Variants in TM9SF2 observed in about 807,000 individuals in gnomAD.
TM9SF2 encodes the protein transmembrane 9 superfamily member 2.
Under a neutral mutation model 84.9 loss-of-function variants are expected in TM9SF2, and 13 were observed. The ratio of observed to expected loss-of-function variants is 0.15; its 90% CI spans 0.10 to 0.24. TM9SF2 has a LOEUF of 0.24. Ranked by LOEUF, TM9SF2 falls within the 10% of genes least tolerant of loss-of-function variation. The pLI, the probability that TM9SF2 is intolerant of heterozygous loss-of-function variation, is 1.00. For synonymous variants in TM9SF2, 273 were observed against 285.8 expected, an observed-to-expected ratio of 0.96 and a Z score of 0.45; for missense variants, 562 against 818.5, an observed-to-expected ratio of 0.69 and a Z score of 3.82.
chr13:99,534,921 A>T (rs1209819815), intron 4 of TM9SF2, among the ~76,000 whole-genome samples: 2 of 152,160 alleles, frequency 1.3e-5, no homozygotes, highest in Non-Finnish European at 2.9e-5. Context: ...AGACCAGGGT[A>T]GGAGGACCAC....
chr13:99,527,622 C>G (rs568384993), intron 3 of TM9SF2, among the ~76,000 whole-genome samples: 1 of 152,314 alleles, frequency 6.6e-6, no homozygotes, highest in Admixed American at 6.5e-5. Context: ...CAAACCACAT[C>G]AATCCTGATG....
chr13:99,552,123 T>C (rs2046307867), intron 12 of TM9SF2, 44 bp from the exon 13 acceptor site: 2 of 1,582,260 alleles, frequency 1.3e-6, no homozygotes, highest in Admixed American at 1.8e-5. Flanking sequence ...ACTGTTGCAT[T>C]TTGTTATCTC....
intron 1 of TM9SF2, among the ~76,000 whole-genome samples, chr13:99,515,522 G>A (rs2046130095): frequency 6.6e-6 from 1 of 152,166 alleles, no homozygotes; most frequent in Admixed American, 6.5e-5. Flanking sequence ...TGATGCTGTT[G>A]TCGGTATTAC....
chr13:99,510,480 A>G (rs959177542), intron 1 of TM9SF2, among the ~76,000 whole-genome samples: 2 of 152,204 alleles, frequency 1.3e-5, no homozygotes, highest in African/African-American at 4.8e-5. Flanking sequence ...CAGGCTGTAC[A>G]AGCATGCACC....
chr13:99,540,647 ATT>A, intron 7 of TM9SF2, 65 bp from the exon 8 acceptor site: 2 of 1,311,062 alleles, frequency 1.5e-6, no homozygotes, highest in Admixed American at 1.9e-5. Context: ...TTTGAATGGG[ATT>A]TTTTTTTGTT....
intron 16 of TM9SF2, among the ~76,000 whole-genome samples, chr13:99,561,684 A>G (rs746870728): frequency 5.1e-4 from 77 of 151,770 alleles, no homozygotes; most frequent in Non-Finnish European, 9.4e-4. Context: ...TGATTTAGAA[A>G]ATCTCCTTTA....
chr13:99,559,700 A>G (rs1237585488), intron 16 of TM9SF2, among the ~76,000 whole-genome samples, 166 bp downstream of exon 16: 1 of 152,198 alleles, frequency 6.6e-6, no homozygotes, highest in Admixed American at 6.5e-5. Flanking sequence ...TGTGAGTTGC[A>G]TAAAGATGAT....
chr13:99,522,858 T>G (rs1241667255), intron 3 of TM9SF2, among the ~76,000 whole-genome samples: 1 of 152,234 alleles, frequency 6.6e-6, no homozygotes, highest in Non-Finnish European at 1.5e-5. Flanking sequence ...GACTGTTCCT[T>G]GCTCATACAC....
intron 3 of TM9SF2, among the ~76,000 whole-genome samples, chr13:99,527,555 G>T (rs1015367742): frequency 6.6e-6 from 1 of 152,162 alleles, no homozygotes; most frequent in African/African-American, 2.4e-5. Context: ...CCCCCAACAC[G>T]TGGGGATTAC....
intron 10 of TM9SF2, among the ~76,000 whole-genome samples, 155 bp from the exon 11 acceptor site, chr13:99,546,830 A>G (rs979187253): frequency 2.6e-5 from 4 of 152,152 alleles, no homozygotes; most frequent in Non-Finnish European, 5.9e-5. Context: ...AGTAAATATT[A>G]CTAAGATTGT....
At chr13:99,514,980 T>C (rs1406340953) in intron 1 of TM9SF2, among the ~76,000 whole-genome samples, 1 of 152,196 alleles carries the variant, frequency 6.6e-6, no homozygotes, top group East Asian at 1.9e-4. Flanking sequence ...TGAAGAAACT[T>C]GCCTAGAATC....
At chr13:99,543,761 A>G in intron 9 of TM9SF2, 102 bp from the exon 10 acceptor site, 1 of 1,462,598 alleles carries the variant, frequency 6.8e-7, no homozygotes, top group Non-Finnish European at 9.2e-7. Context: ...AAGTTTAAAA[A>G]AAACCTGTTT....
At position 99,543,981 on chromosome 13, in the gene TM9SF2, C is replaced by T. The variant is rs1171562989; in HGVS notation, c.1136C>T (p.Thr379Ile). The T allele has an allele frequency of 1.2e-6, 2 of 1,613,852 alleles. No individual in the cohort carries two copies. The highest frequency in any genetic ancestry group is 1.7e-5 in the Admixed American group (1 of 59,980). ...LGSGTQILIM[T>I]FVTLFFACLG... The stretch of plus-strand genomic sequence containing the variant: ...TCCGGGACACAGATTTTAATTATGA[C>T]CTTTGTGACTCTATGTAAGTGTTAA... Residue 379 changes from threonine to isoleucine, a missense_variant, in exon 10 of 17, where the codon ACC becomes ATC. Transcript: ENST00000376387.
At chr13:99,507,890 T>A (rs2046095313) in intron 1 of TM9SF2, among the ~76,000 whole-genome samples, 1 of 152,068 alleles carries the variant, frequency 6.6e-6, no homozygotes, top group Admixed American at 6.5e-5. Context: ...GATAGCAGAA[T>A]AAGGTGGGAA....
At chr13:99,527,203 A>G (rs1392307608) in intron 3 of TM9SF2, among the ~76,000 whole-genome samples, 2 of 152,112 alleles carry the variant, frequency 1.3e-5, no homozygotes, top group Non-Finnish European at 2.9e-5. Flanking sequence ...TAATATTCAG[A>G]GGGTAGAGGG....
intron 4 of TM9SF2, among the ~76,000 whole-genome samples, chr13:99,531,402 T>G (rs145816173): frequency 6.6e-6 from 1 of 152,306 alleles, no homozygotes; most frequent in East Asian, 1.9e-4. Context: ...CTCACGCCAA[T>G]AAGGTTAGGA....
rs2046352674 is a variant in TM9SF2, at chr13:99,563,466, A to G, written c.*708A>G. On this transcript the variant is annotated 3_prime_UTR_variant, in exon 17 of 17. Transcript: ENST00000376387. ...GATCTATTTACCAAGGTGTTTTGAAATGATTTATACTATTTTATCAGATTT... is the reference window on the plus strand; with the variant it reads ...GATCTATTTACCAAGGTGTTTTGAAGTGATTTATACTATTTTATCAGATTT... The G allele has an allele frequency of 6.6e-6, 1 of 152,218 alleles. No homozygotes were observed. Among genetic ancestry groups the G allele is most frequent in the African/African-American group, 2.4e-5 (1 of 41,454 alleles). 9.4% of individuals were successfully genotyped at this position (152,218 alleles called of 1,614,324 possible). A position where few individuals can be genotyped will look rare whatever the true frequency, so the allele number is the denominator to read the frequency against.
intron 11 of TM9SF2, among the ~76,000 whole-genome samples, chr13:99,547,658 A>G (rs185738205): frequency 1.3e-5 from 2 of 152,308 alleles, no homozygotes; most frequent in African/African-American, 2.4e-5. Context: ...GCATTCTAGA[A>G]GTAAAATAAA....
At chr13:99,507,106 C>T (rs1380737585) in intron 1 of TM9SF2, among the ~76,000 whole-genome samples, 1 of 152,190 alleles carries the variant, frequency 6.6e-6, no homozygotes, top group Non-Finnish European at 1.5e-5. Flanking sequence ...AATTTCATAA[C>T]ATCTCTGTGA....
Sources: allele counts gnomAD v4.1 joint callset (sites outside exome capture counted in the v4.1 genomes callset), GRCh38; gene constraint gnomAD v4.1.1; transcripts MANE v1.5; gene names NCBI Gene and HGNC (gene_info 2026-07-23, HGNC 2026-07-21).